Variants in ACSL6 observed in about 807,000 individuals in gnomAD.
ACSL6 encodes acyl-CoA synthetase long chain family member 6.
In ACSL6, 47 loss-of-function variants were observed where a neutral mutation model predicts 98.2. The observed-to-expected ratio is 0.48, with a 90% CI of 0.38 to 0.61. The LOEUF is 0.61. Ranked by LOEUF, ACSL6 falls within the 20% of genes least tolerant of loss-of-function variation. ACSL6 has a pLI of 0.00. For synonymous variants in ACSL6, 362 were observed against 336.9 expected, an observed-to-expected ratio of 1.07 and a Z score of -0.82; for missense variants, 761 against 913.4, an observed-to-expected ratio of 0.83 and a Z score of 2.15.
intron 9 of ACSL6, among the ~76,000 whole-genome samples, chr5:131,979,810 G>A (rs759142266): frequency 3.9e-5 from 6 of 152,182 alleles, no homozygotes; most frequent in East Asian, 3.8e-4. Flanking sequence ...TACCCAGGCC[G>A]CCAATGTCTC....
At chr5:131,976,537 A>AT in intron 10 of ACSL6, 111 bp downstream of exon 10, 1 of 973,984 alleles carries the variant, frequency 1.0e-6, no homozygotes, top group East Asian at 2.6e-5. Flanking sequence ...AGCCCAGGTT[A>AT]TATCAAGAAA....
chr5:131,995,800 C>T (rs1026382391), intron 1 of ACSL6, among the ~76,000 whole-genome samples: 1 of 152,214 alleles, frequency 6.6e-6, no homozygotes, highest in Non-Finnish European at 1.5e-5. Flanking sequence ...TTGAGCCTAT[C>T]CTTCTTCTCT....
intron 1 of ACSL6, chr5:131,994,696 CA>C (rs1318630275): frequency 1.0e-5 from 2 of 191,092 alleles, no homozygotes; most frequent in South Asian, 1.0e-4. Flanking sequence ...GCACAGTGCC[CA>C]GGGGTGAAGG....
chr5:131,994,303 G>C, intron 1 of ACSL6, 52 bp from the exon 2 acceptor site: 1 of 1,494,926 alleles, frequency 6.7e-7, no homozygotes, highest in South Asian at 1.2e-5. Flanking sequence ...GCAGGTTAGG[G>C]AGGGGTCCTG....
chr5:131,975,436 C>G (rs775385313), intron 10 of ACSL6: 1 of 985,294 alleles, frequency 1.0e-6, no homozygotes, highest in African/African-American at 1.7e-5. Flanking sequence ...CTGGGCTACC[C>G]GGGCAGGGAT....
intron 20 of ACSL6, among the ~76,000 whole-genome samples, chr5:131,954,877 C>T (rs1167755607): frequency 1.3e-5 from 2 of 151,984 alleles, no homozygotes; most frequent in African/African-American, 4.8e-5. Flanking sequence ...GAGGCAACAC[C>T]AAAACAAAGC....
intron 17 of ACSL6, among the ~76,000 whole-genome samples, chr5:131,964,714 C>T (rs577747814): frequency 2.8e-4 from 42 of 152,350 alleles, no homozygotes; most frequent in African/African-American, 1.0e-3. Context: ...CCTGAGCCAA[C>T]AGGACAATCC....
upstream of ACSL6, chr5:132,011,812 C>G (rs1045483902): frequency 4.7e-5 from 69 of 1,480,616 alleles, no homozygotes; most frequent in African/African-American, 8.4e-4. This position sits in a 1 kb window ranked among gnomAD's most constrained non-coding sequence, Gnocchi z 5.4. Flanking sequence ...GGGCTTGCCC[C>G]GCACTGACCG....
In ACSL6 at chr5:131,982,790, T is replaced by G. The variant is rs187058408; in HGVS notation, c.916+2617A>C. On this transcript the variant is annotated intron_variant, in intron 9 of 20. Transcript: ENST00000651883. ...ACTGACTTCCTCTGGGAATCCTTTC[T>G]GTCCTGCTGTACTGATCTCTCAGTG... 4 of 152,380 alleles carry G rather than the reference T, an allele frequency of 2.6e-5. No individual in the cohort carries two copies. The East Asian group carries it at 7.7e-4, about 29-fold the overall frequency. The allele number at this position is 152,380 out of a possible 1,614,324, so 9.4% of individuals were successfully genotyped here. A position where few individuals can be genotyped will look rare whatever the true frequency, so the allele number is the denominator to read the frequency against.
chr5:131,952,951 A>G lies in ACSL6; in HGVS notation c.*1283T>C. 4.8e-6 allele frequency: 1 copy of G among 210,418 alleles called. No homozygotes were observed. The highest frequency in any genetic ancestry group is 9.6e-6 in the Non-Finnish European group (1 of 103,712). The allele number at this position is 210,418 out of a possible 1,614,324, so 13.0% of individuals were successfully genotyped here. The stretch of plus-strand genomic sequence containing the variant: ...CCTTCTGCCTTGATATTCTTACTGG[A>G]AAAAAAGTGAAATTGTTCAGAATTA... On this transcript the variant is annotated 3_prime_UTR_variant, in exon 21 of 21. Coordinates refer to ENST00000651883, the MANE Select transcript of ACSL6 (RefSeq NM_001009185.3).
chr5:131,988,139 T>G lies in ACSL6; in HGVS notation c.740A>C (p.Lys247Thr). ...GAATGGGTCCATGAGGATGATCAGC[T>G]TGAGGCCTGGAGTCTCCTTCCTCTC... is the stretch of plus-strand genomic sequence containing the variant. ...HVERKETPGL[K>T]LIILMDPFEE... is the part of the protein sequence containing the mutation. Residue 247 changes from lysine (K) to threonine (T), a missense_variant, in exon 7 of 21, where the codon AAG (lysine) becomes ACG (threonine). Transcript: ENST00000651883. The G allele has an allele frequency of 6.2e-7, 1 of 1,614,218 alleles. No homozygotes were observed. Among genetic ancestry groups the G allele is most frequent in the Non-Finnish European group, 8.5e-7 (1 of 1,180,042 alleles).
intron 1 of ACSL6, among the ~76,000 whole-genome samples, chr5:132,008,235 C>T (rs1755517203): frequency 6.6e-6 from 1 of 152,224 alleles, no homozygotes. Context: ...CTGGGGTGGC[C>T]CTAGACCTCA....
chr5:131,970,433 G>A lies in ACSL6; in HGVS notation c.1435-233C>T, dbSNP rs539327599. 1.1e-4 allele frequency among the ~76,000 whole-genome samples: 17 copies of A among 149,034 alleles called. No individual in the cohort carries two copies. In the South Asian group the frequency reaches 1.5e-3, roughly 13 times the overall value. ...GCTATTTTTTTTTTTTTTTTGAGACGGAGTCTCACTCTGTCGCCCAGGCTG... is the reference window on the plus strand; with the variant it reads ...GCTATTTTTTTTTTTTTTTTGAGACAGAGTCTCACTCTGTCGCCCAGGCTG... On this transcript the variant is annotated intron_variant, in intron 14 of 20. Transcript: ENST00000651883.
At chr5:132,004,067 T>C (rs1444088248) in intron 1 of ACSL6, among the ~76,000 whole-genome samples, 2 of 152,176 alleles carry the variant, frequency 1.3e-5, no homozygotes, top group African/African-American at 4.8e-5. Flanking sequence ...ACGTGTGTCC[T>C]CTGCCTGGTG....
At chr5:131,963,986 C>T (rs778240603) in intron 17 of ACSL6, among the ~76,000 whole-genome samples, 1 of 152,138 alleles carries the variant, frequency 6.6e-6, no homozygotes, top group Non-Finnish European at 1.5e-5. Flanking sequence ...ATTTGAATCC[C>T]GATCCTTCTG....
At chr5:131,993,634 G>A in intron 2 of ACSL6, 3 of 244,450 alleles carry the variant, frequency 1.2e-5, no homozygotes, top group Middle Eastern at 1.6e-3. Context: ...TGTACTCAGG[G>A]AGAGCAGGGC....
rs1753419221 is a variant in ACSL6 at position 131,973,322 on chromosome 5, G to A, written c.1147C>T (p.Leu383=). ...IRLLSDDMKA[L]CPTIFPVVPR... ...ACCACAGGGAAGATGGTGGGGCATA[G>A]AGCCTTCATGTCATCTGAGAGAAGG... The change falls in exon 12 of 21, where the codon CTA becomes TTA. Residue 383 remains leucine, a synonymous_variant. Coordinates refer to ENST00000651883, the MANE Select transcript of ACSL6 (RefSeq NM_001009185.3). 1 of 1,614,086 alleles carries A rather than the reference G, an allele frequency of 6.2e-7. No individual in the cohort carries two copies. Among genetic ancestry groups the A allele is most frequent in the African/African-American group, 1.3e-5 (1 of 74,938 alleles).
In ACSL6 at chr5:132,003,422, C is replaced by A. The variant is rs558629645; in HGVS notation, c.49+8083G>T. Among the ~76,000 whole-genome samples the A allele has an allele frequency of 3.9e-5, 6 of 152,286 alleles. No individual in the cohort carries two copies. The East Asian group carries it at 9.7e-4, about 25-fold the overall frequency. On this transcript the variant is annotated intron_variant, in intron 1 of 20. Coordinates refer to ENST00000651883, the MANE Select transcript of ACSL6 (RefSeq NM_001009185.3). ...TAGACTGGAGCGGCCCAGCCCTCAG[C>A]GGGCAGGAGCACTGGGAACTCAGGC... is the stretch of plus-strand genomic sequence containing the variant.
At position 131,988,205 on chromosome 5, in the gene ACSL6, A is replaced by G; in HGVS notation, c.674T>C (p.Val225Ala). The G allele has an allele frequency of 6.2e-7, 1 of 1,614,122 alleles. No homozygotes were observed. The highest frequency in any genetic ancestry group is 8.5e-7 in the Non-Finnish European group (1 of 1,180,020). ...AAGCACAGCCTTCTGAGGTTTGTCC[A>G]CAATCACGGTGCTGATGTCCGCTGC... ...INTADISTVI[V>A]DKPQKAVLLL... The change falls in exon 7 of 21, where the codon GTG becomes GCG. Residue 225 changes from valine to alanine, a missense_variant. Coordinates refer to ENST00000651883, the MANE Select transcript of ACSL6 (RefSeq NM_001009185.3).
Sources: gnomAD v4.1 joint callset for allele counts (sites outside exome capture counted in the v4.1 genomes callset) on GRCh38, gnomAD v4.1.1 for gene constraint, Gnocchi (gnomAD v3.1) non-coding constraint, MANE v1.5 for transcripts, NCBI Gene and HGNC (gene_info 2026-07-23, HGNC 2026-07-21) for gene names.